Variants in MMP16 observed in about 807,000 individuals in gnomAD.
MMP16 encodes the protein matrix metalloproteinase-16.
MMP16 carries 12 observed loss-of-function variants against 67.8 expected under a neutral mutation model. The observed-to-expected ratio is 0.18, with a 90% CI of 0.11 to 0.29. The LOEUF (loss-of-function observed/expected upper bound fraction) is 0.29. MMP16 is among the 10% of genes least tolerant of loss of function. The pLI is 1.00. For missense variants in MMP16, 475 were observed against 765.7 expected (o/e 0.62, Z 4.48); for synonymous variants, 249 against 255.9 (o/e 0.97, Z 0.26).
Position 88,038,323 on chromosome 8 carries a change from T to C in MMP16, c.*3138A>G, listed in dbSNP as rs1808082131. On this transcript the variant is annotated 3_prime_UTR_variant, in exon 10 of 10. Transcript: ENST00000286614. The surrounding 1 kb of genome is among the most constrained non-coding windows in gnomAD (Gnocchi z 4.1). Reference sequence around the variant, plus strand: ...TGCTTATCACATAAATCTTGTCTCATATTAAAGTAAATATGACCCAACCCT... The same window carrying C: ...TGCTTATCACATAAATCTTGTCTCACATTAAAGTAAATATGACCCAACCCT... 6.6e-6 allele frequency: 1 copy of C among 152,290 alleles called. No individual in the cohort carries two copies. Among genetic ancestry groups the C allele is most frequent in the African/African-American group, 2.4e-5 (1 of 41,426 alleles). The allele number at this position is 152,290 out of a possible 1,614,324, so 9.4% of individuals were successfully genotyped here. A position where few individuals can be genotyped will look rare whatever the true frequency, so the allele number is the denominator to read the frequency against.
At chr8:88,048,966 T>G (rs1404999215) in intron 8 of MMP16, among the ~76,000 whole-genome samples, 1 of 152,190 alleles carries the variant, frequency 6.6e-6, no homozygotes, top group Non-Finnish European at 1.5e-5. Flanking sequence ...AAACCTCACT[T>G]GAGTAACATC....
rs1046475931 is a variant in MMP16 at position 88,040,384 on chromosome 8, A to G, written c.*1077T>C. The G allele has an allele frequency of 1.7e-4, 26 of 152,696 alleles. No homozygotes were observed. The highest frequency in any genetic ancestry group is 1.4e-3 in the Admixed American group (22 of 15,276). The allele number at this position is 152,696 out of a possible 1,614,324, so 9.5% of individuals were successfully genotyped here. A position where few individuals can be genotyped will look rare whatever the true frequency, so the allele number is the denominator to read the frequency against. On this transcript the variant is annotated 3_prime_UTR_variant, in exon 10 of 10. Transcript: ENST00000286614. ...ACTGTTTTTACCATTGCCCAGTTCT[A>G]TAATTTATCAGATCGCAAGACCGAC...
intron 2 of MMP16, among the ~76,000 whole-genome samples, chr8:88,192,635 A>G (rs980316327): frequency 6.6e-6 from 1 of 152,202 alleles, no homozygotes; most frequent in East Asian, 1.9e-4. Context: ...ACTGAAAAAG[A>G]AGATAGAGAA....
chr8:88,060,568 G>A (rs1419273760), intron 7 of MMP16, among the ~76,000 whole-genome samples: 1 of 152,000 alleles, frequency 6.6e-6, no homozygotes, highest in Non-Finnish European at 1.5e-5. Flanking sequence ...TGGAAAACTA[G>A]GATGACACTT....
intron 4 of MMP16, among the ~76,000 whole-genome samples, chr8:88,128,195 G>A (rs1351482214): frequency 6.6e-6 from 1 of 151,772 alleles, no homozygotes. Flanking sequence ...TTGCATATGA[G>A]AGGAATAATT....
intron 1 of MMP16, among the ~76,000 whole-genome samples, chr8:88,324,381 C>T (rs1189146505): frequency 1.3e-5 from 2 of 152,012 alleles, no homozygotes; most frequent in African/African-American, 4.8e-5. Context: ...CTTCAAATCC[C>T]CCACTTCCCT....
intron 3 of MMP16, among the ~76,000 whole-genome samples, chr8:88,185,487 G>C (rs1230675134): frequency 6.6e-6 from 1 of 152,044 alleles, no homozygotes; most frequent in Non-Finnish European, 1.5e-5. Flanking sequence ...AAGTTCAAGT[G>C]ACATGTTCCA....
intron 1 of MMP16, among the ~76,000 whole-genome samples, chr8:88,321,803 A>G (rs1382261106): frequency 6.6e-6 from 1 of 152,116 alleles, no homozygotes; most frequent in African/African-American, 2.4e-5. Context: ...TTCACATCTC[A>G]TTGTTGCAGA....
chr8:88,184,026 G>A (rs968688483), intron 3 of MMP16, among the ~76,000 whole-genome samples: 3 of 152,128 alleles, frequency 2.0e-5, no homozygotes, highest in Non-Finnish European at 2.9e-5. Context: ...GATTACAGGC[G>A]CAAGCCACCG....
At chr8:88,306,469 C>A (rs58695872) in intron 1 of MMP16, among the ~76,000 whole-genome samples, 20,470 of 151,584 alleles carry the variant, frequency 0.14, 1,849 homozygotes, top group African/African-American at 0.24. Context: ...AACTAGGCAG[C>A]GATACCACAA....
chr8:88,316,864 C>T (rs1165090962), intron 1 of MMP16, among the ~76,000 whole-genome samples: 2 of 152,128 alleles, frequency 1.3e-5, no homozygotes, highest in Non-Finnish European at 2.9e-5. Flanking sequence ...ACTAAGCATC[C>T]TCATGATTCA....
chr8:88,087,327 CTTACT>C (rs1172517573), intron 6 of MMP16, among the ~76,000 whole-genome samples: 1 of 151,870 alleles, frequency 6.6e-6, no homozygotes, highest in Admixed American at 6.6e-5. Flanking sequence ...TCTGGGGATA[CTTACT>C]TTAAACTATG....
chr8:88,294,932 C>T (rs1026390833), intron 1 of MMP16, among the ~76,000 whole-genome samples: 13 of 152,154 alleles, frequency 8.5e-5, no homozygotes, highest in South Asian at 2.1e-4. Context: ...AGGCTGGCCT[C>T]GCACTCCTGA....
At chr8:88,293,090 G>A (rs1810952049) in intron 1 of MMP16, among the ~76,000 whole-genome samples, 1 of 152,086 alleles carries the variant, frequency 6.6e-6, no homozygotes, top group South Asian at 2.1e-4. Flanking sequence ...AAGAGTAAAT[G>A]ACACACCACA....
At chr8:88,208,495 A>G (rs968212170) in intron 1 of MMP16, among the ~76,000 whole-genome samples, 1 of 152,126 alleles carries the variant, frequency 6.6e-6, no homozygotes, top group African/African-American at 2.4e-5. Context: ...CATAAATCCA[A>G]CACTGAAGGT....
intron 4 of MMP16, among the ~76,000 whole-genome samples, chr8:88,144,027 AAT>A (rs1227543513): frequency 6.6e-6 from 1 of 151,956 alleles, no homozygotes; most frequent in Non-Finnish European, 1.5e-5. Flanking sequence ...AAATTTTGTC[AAT>A]AAACTGTGCC....
chr8:88,044,835 T>C (rs1586119915), intron 9 of MMP16, among the ~76,000 whole-genome samples: 2 of 152,362 alleles, frequency 1.3e-5, no homozygotes, highest in East Asian at 3.9e-4. Flanking sequence ...CACATGTGGA[T>C]AAATAAACTG....
At chr8:88,290,315 G>A (rs1810906264) in intron 1 of MMP16, among the ~76,000 whole-genome samples, 2 of 152,228 alleles carry the variant, frequency 1.3e-5, no homozygotes, top group Admixed American at 6.5e-5. Context: ...CAACTTGGGA[G>A]GCCGAGGCGG....
At chr8:88,111,648 G>A (rs1404361732) in intron 6 of MMP16, among the ~76,000 whole-genome samples, 11 of 151,666 alleles carry the variant, frequency 7.3e-5, no homozygotes, top group East Asian at 1.9e-4. Flanking sequence ...TTAGCAGTGC[G>A]GTGGTATGAT....
Sources: gnomAD v4.1 joint callset for allele counts (sites outside exome capture counted in the v4.1 genomes callset) on GRCh38, gnomAD v4.1.1 for gene constraint, Gnocchi (gnomAD v3.1) non-coding constraint, MANE v1.5 for transcripts, NCBI Gene and HGNC (gene_info 2026-07-23, HGNC 2026-07-21) for gene names.